Variants in KDM4B observed in about 807,000 individuals in gnomAD.
The protein encoded by KDM4B is lysine-specific demethylase 4B.
In KDM4B, 32 loss-of-function variants were observed where a neutral mutation model predicts 125.2. The ratio of observed to expected loss-of-function variants is 0.26; its 90% CI spans 0.19 to 0.34. The LOEUF is 0.34. Among genes scored for constraint, KDM4B ranks in the 10% least tolerant of loss-of-function variants. The pLI is 1.00. For synonymous variants in KDM4B, 721 were observed against 677.9 expected (o/e 1.06, Z -0.99); for missense variants, 1,190 against 1,577.7 (o/e 0.75, Z 4.16).
intron 9 of KDM4B, among the ~76,000 whole-genome samples, chr19:5,084,390 T>C (rs2038405262): frequency 1.4e-5 from 2 of 143,466 alleles, no homozygotes; most frequent in South Asian, 4.2e-4. Flanking sequence ...TGTATATTTA[T>C]ATAAAATAAA....
chr19:4,988,362 G>A lies in KDM4B; in HGVS notation c.-109+19132G>A, dbSNP rs535479496. ...GCGATCTAGGCTCACTGCAAGCTCC[G>A]CCTCCTGGGTTCACGCCATTCTCCT... is the stretch of plus-strand genomic sequence containing the variant. On this transcript the variant is annotated intron_variant, in intron 1 of 22. Coordinates refer to ENST00000159111, the MANE Select transcript of KDM4B (RefSeq NM_015015.3). Among the ~76,000 whole-genome samples the A allele has an allele frequency of 4.7e-4, 72 of 152,136 alleles. 1 individual carries two copies. The highest frequency in any genetic ancestry group is 1.5e-3 in the African/African-American group (64 of 41,498).
chr19:5,134,211 C>T (rs528438150), intron 14 of KDM4B, 150 bp downstream of exon 14: 23 of 721,260 alleles, frequency 3.2e-5, no homozygotes, highest in Middle Eastern at 4.1e-4. Flanking sequence ...TCCTGACAGC[C>T]GTAGGCAGAG....
intron 6 of KDM4B, among the ~76,000 whole-genome samples, chr19:5,055,409 G>A (rs777147505): frequency 6.6e-5 from 10 of 152,346 alleles, no homozygotes; most frequent in South Asian, 4.1e-4. Flanking sequence ...TGTGAAAATC[G>A]CACTCCAAGC....
chr19:5,080,126 T>G (rs1221516392), intron 8 of KDM4B, among the ~76,000 whole-genome samples: 1 of 152,336 alleles, frequency 6.6e-6, no homozygotes, highest in East Asian at 1.9e-4. Context: ...TTTAAAAATA[T>G]AACTTAATGC....
chr19:5,117,256 G>A lies in KDM4B; in HGVS notation c.1116-2397G>A, dbSNP rs1207325225. ...AGTAAGGCTTGAAGGCCGTGGGGGTGCCCCTGGAAGGCTGCAGCAGGGGAG... is the reference window on the plus strand; with the variant it reads ...AGTAAGGCTTGAAGGCCGTGGGGGTACCCCTGGAAGGCTGCAGCAGGGGAG... On this transcript the variant is annotated intron_variant, in intron 10 of 22. Transcript: ENST00000159111. Among the ~76,000 whole-genome samples the A allele has an allele frequency of 3.5e-5, 5 of 143,768 alleles. No individual in the cohort carries two copies. In the East Asian group the frequency reaches 1.1e-3, roughly 32 times the overall value. The allele number at this position is 143,768 out of a possible 152,430, so 94.3% of individuals were successfully genotyped here.
rs1436878406 is a variant in KDM4B at position 5,114,498 on chromosome 19, G to A, written c.1115+3680G>A. 2 of 361,626 alleles carry A rather than the reference G, an allele frequency of 5.5e-6. No homozygotes were observed. Among genetic ancestry groups the A allele is most frequent in the African/African-American group, 4.3e-5 (2 of 47,034 alleles). The allele number at this position is 361,626 out of a possible 1,614,324, so 22.4% of individuals were successfully genotyped here. On this transcript the variant is annotated intron_variant, in intron 10 of 22. Coordinates refer to ENST00000159111, the MANE Select transcript of KDM4B (RefSeq NM_015015.3). This position sits in a 1 kb window ranked among gnomAD's most constrained non-coding sequence, Gnocchi z 5.8. ...CACCAACAGGGACCTCAGCCCTCAGGGACAGAACCTCACGAGCACAGGGAC... is the reference window on the plus strand; with the variant it reads ...CACCAACAGGGACCTCAGCCCTCAGAGACAGAACCTCACGAGCACAGGGAC...
At chr19:5,022,111 GAGTCA>G (rs1247672624) in intron 2 of KDM4B, among the ~76,000 whole-genome samples, 1 of 152,232 alleles carries the variant, frequency 6.6e-6, no homozygotes, top group Non-Finnish European at 1.5e-5. Context: ...TTTATGGACA[GAGTCA>G]AGTGGCCCGG....
chr19:5,031,470 G>C (rs2036454943), intron 2 of KDM4B, among the ~76,000 whole-genome samples: 2 of 152,254 alleles, frequency 1.3e-5, no homozygotes, highest in Admixed American at 1.3e-4. Context: ...AAGCTGCGAG[G>C]ACTCTGCACA....
chr19:5,133,174 G>T (rs572648224), intron 13 of KDM4B, among the ~76,000 whole-genome samples: 1 of 152,206 alleles, frequency 6.6e-6, no homozygotes, highest in Non-Finnish European at 1.5e-5. Flanking sequence ...GGGAGATTGG[G>T]GTGCGGCAGC....
intron 6 of KDM4B, among the ~76,000 whole-genome samples, chr19:5,069,234 G>T (rs971395967): frequency 1.3e-5 from 2 of 152,182 alleles, no homozygotes; most frequent in South Asian, 4.1e-4. Flanking sequence ...TTTGTGTCCT[G>T]TTAGATTAGA....
intron 1 of KDM4B, among the ~76,000 whole-genome samples, chr19:4,982,688 C>T (rs944644652): frequency 6.6e-6 from 1 of 151,888 alleles, no homozygotes; most frequent in Non-Finnish European, 1.5e-5. Flanking sequence ...TCTCGGCTCA[C>T]TGCAACCTCC....
intron 10 of KDM4B, chr19:5,111,810 A>G (rs576729479): frequency 3.0e-5 from 23 of 765,198 alleles, no homozygotes; most frequent in Non-Finnish European, 4.3e-5. Flanking sequence ...TCGACTCCGC[A>G]TGGCAACTCA....
At chr19:5,120,687 A>C (rs550500429) in intron 11 of KDM4B, among the ~76,000 whole-genome samples, 1 of 152,152 alleles carries the variant, frequency 6.6e-6, no homozygotes, top group Non-Finnish European at 1.5e-5. Flanking sequence ...ACTGGGTTTT[A>C]TCTTCTCAGT....
chr19:5,101,871 C>T (rs924618172), intron 9 of KDM4B, among the ~76,000 whole-genome samples: 9 of 152,196 alleles, frequency 5.9e-5, no homozygotes, highest in African/African-American at 1.9e-4. Flanking sequence ...AGCCCTCCAG[C>T]CTCCTGCCTG....
rs1303330627 is a variant in KDM4B, at chr19:5,082,984, G to C, written c.918+480G>C. On this transcript the variant is annotated intron_variant, in intron 9 of 22. Transcript: ENST00000159111. This position sits in a 1 kb window ranked among gnomAD's most constrained non-coding sequence, Gnocchi z 5.4. ...CAGGCATCTGCCCCCCTCCCTCCCT[G>C]CTCCCCTGTCAGTGGCAGTCCCCCA... 6.6e-6 allele frequency among the ~76,000 whole-genome samples: 1 copy of C among 152,124 alleles called. No homozygotes were observed. Among genetic ancestry groups the C allele is most frequent in the Non-Finnish European group, 1.5e-5 (1 of 68,018 alleles).
At chr19:5,103,407 G>A (rs543604083) in intron 9 of KDM4B, among the ~76,000 whole-genome samples, 5 of 152,200 alleles carry the variant, frequency 3.3e-5, no homozygotes, top group South Asian at 2.1e-4. Flanking sequence ...CAGCAGCCCC[G>A]CCCGCTTTCT....
At chr19:4,978,810 G>C (rs1457965297) in intron 1 of KDM4B, among the ~76,000 whole-genome samples, 1 of 152,192 alleles carries the variant, frequency 6.6e-6, no homozygotes, top group Non-Finnish European at 1.5e-5. Context: ...CTGGGAGCTC[G>C]GGCAGCATGG....
At chr19:5,117,952 T>C (rs2039289299) in intron 10 of KDM4B, among the ~76,000 whole-genome samples, 1 of 152,064 alleles carries the variant, frequency 6.6e-6, no homozygotes, top group Non-Finnish European at 1.5e-5. Flanking sequence ...GTGACTAGTG[T>C]TCTAGGAAGG....
chr19:5,097,694 G>A (rs763012627), intron 9 of KDM4B, among the ~76,000 whole-genome samples: 6 of 152,244 alleles, frequency 3.9e-5, no homozygotes, highest in African/African-American at 7.2e-5. Context: ...CCTGTGTGTC[G>A]GGAGGCTGGG....
Sources: allele counts gnomAD v4.1 joint callset (sites outside exome capture counted in the v4.1 genomes callset), GRCh38; gene constraint gnomAD v4.1.1; non-coding constraint Gnocchi (gnomAD v3.1); transcripts MANE v1.5; gene names NCBI Gene and HGNC (gene_info 2026-07-23, HGNC 2026-07-21).